The following SHC3 variants were observed in gnomAD, a reference collection of about 807,000 sequenced individuals.
SHC3 encodes the protein SHC-transforming protein 3.
A neutral mutation model predicts 60.4 loss-of-function variants in SHC3; 15 were observed. The ratio of observed to expected loss-of-function variants is 0.25; its 90% confidence interval spans 0.17 to 0.38. The LOEUF (loss-of-function observed/expected upper bound fraction) is 0.38. Among genes scored for constraint, SHC3 ranks in the 10% least tolerant of loss-of-function variants. SHC3 has a pLI of 1.00. For synonymous variants in SHC3, 294 were observed against 325.9 expected (o/e 0.90, Z 1.05); for missense variants, 677 against 786.1 (o/e 0.86, Z 1.66).
At chr9:89,166,711 G>A (rs1381705765) in intron 1 of SHC3, among the ~76,000 whole-genome samples, 1 of 152,276 alleles carries the variant, frequency 6.6e-6, no homozygotes, top group East Asian at 1.9e-4. Context: ...TAAGAAGAGA[G>A]GAAGTGAAGT....
chr9:89,046,303 G>T (rs1824774776), intron 8 of SHC3, among the ~76,000 whole-genome samples: 1 of 151,874 alleles, frequency 6.6e-6, no homozygotes, highest in Admixed American at 6.6e-5. Flanking sequence ...ACGTTATTTT[G>T]CCATTTTTAG....
chr9:89,059,373 T>G (rs1587702787), intron 6 of SHC3, among the ~76,000 whole-genome samples: 1 of 114,498 alleles, frequency 8.7e-6, no homozygotes, highest in African/African-American at 3.5e-5. Context: ...GAGGATGCGG[T>G]GGAGGACGTA....
At chr9:89,172,830 G>A (rs1826889350) in intron 1 of SHC3, among the ~76,000 whole-genome samples, 1 of 152,096 alleles carries the variant, frequency 6.6e-6, no homozygotes, top group Non-Finnish European at 1.5e-5. Flanking sequence ...CTGCCCTTGG[G>A]TATTTTCATT....
At chr9:89,020,823 G>A (rs1462709398) in intron 11 of SHC3, among the ~76,000 whole-genome samples, 1 of 152,188 alleles carries the variant, frequency 6.6e-6, no homozygotes, top group African/African-American at 2.4e-5. Context: ...GGGCACAAAT[G>A]TCTGTTTGCA....
At chr9:89,177,913 C>T (rs1316116729) in intron 1 of SHC3, 74 bp downstream of exon 1, 2 of 1,150,036 alleles carry the variant, frequency 1.7e-6, no homozygotes, top group Non-Finnish European at 1.1e-6. Flanking sequence ...CCCCGGGCTT[C>T]AGGGAATGAA....
chr9:89,153,659 G>T (rs1388759543), intron 1 of SHC3, among the ~76,000 whole-genome samples: 1 of 152,222 alleles, frequency 6.6e-6, no homozygotes, highest in Non-Finnish European at 1.5e-5. Flanking sequence ...CACCTCAAGG[G>T]TGGCAAGAAC....
At chr9:89,044,247 G>A (rs1824737028) in intron 9 of SHC3, among the ~76,000 whole-genome samples, 1 of 152,112 alleles carries the variant, frequency 6.6e-6, no homozygotes, top group Non-Finnish European at 1.5e-5. Flanking sequence ...AGCCCATAAT[G>A]AAAATGTCCC....
intron 1 of SHC3, among the ~76,000 whole-genome samples, chr9:89,167,896 C>T (rs756578836): frequency 1.3e-5 from 2 of 152,328 alleles, no homozygotes; most frequent in South Asian, 4.1e-4. Flanking sequence ...TCAAAAGCAT[C>T]AATGTAAGGT....
intron 1 of SHC3, among the ~76,000 whole-genome samples, chr9:89,140,623 G>A (rs879067459): frequency 1.3e-5 from 2 of 152,110 alleles, no homozygotes; most frequent in Non-Finnish European, 2.9e-5. Context: ...ACCTGCAAAA[G>A]TCAAAAACAT....
chr9:89,094,103 C>CAAA (rs1160433992), intron 2 of SHC3, among the ~76,000 whole-genome samples: 23 of 73,056 alleles, frequency 3.1e-4, no homozygotes, highest in African/African-American at 1.1e-3. Flanking sequence ...GACTCTGTCT[C>CAAA]AAAAAAAAAA....
rs546280314 is a variant in SHC3 at position 89,153,669 on chromosome 9, C to T, written c.474+24318G>A. On this transcript the variant is annotated intron_variant, in intron 1 of 11. Coordinates refer to ENST00000375835, the MANE Select transcript of SHC3 (RefSeq NM_016848.6). ...CTGTCCACCTCAAGGGTGGCAAGAA[C>T]GGTGCCACGACATCACCTTCAGCAG... Among the ~76,000 whole-genome samples the T allele has an allele frequency of 3.9e-5, 6 of 152,368 alleles. No individual in the cohort carries two copies. The South Asian group carries it at 1.2e-3, about 32-fold the overall frequency.
intron 5 of SHC3, among the ~76,000 whole-genome samples, chr9:89,067,597 T>A (rs1825204046): frequency 6.6e-6 from 1 of 152,198 alleles, no homozygotes; most frequent in African/African-American, 2.4e-5. Flanking sequence ...ATTATACTTG[T>A]ACATGATGTA....
At chr9:89,027,179 T>C (rs1826325188) in intron 11 of SHC3, among the ~76,000 whole-genome samples, 1 of 152,232 alleles carries the variant, frequency 6.6e-6, no homozygotes, top group Admixed American at 6.5e-5. Flanking sequence ...CCTGGTCATT[T>C]GTGTATTTAC....
At chr9:89,014,524 G>A (rs1257425520) in intron 11 of SHC3, among the ~76,000 whole-genome samples, 2 of 152,124 alleles carry the variant, frequency 1.3e-5, no homozygotes, top group African/African-American at 4.8e-5. Flanking sequence ...AGGGTCAGCT[G>A]AATTCCCTGG....
At chr9:89,131,447 C>G (rs1357709492) in intron 1 of SHC3, among the ~76,000 whole-genome samples, 1 of 152,084 alleles carries the variant, frequency 6.6e-6, no homozygotes, top group African/African-American at 2.4e-5. Context: ...CTGGCAGAGA[C>G]ACAACAAAGA....
intron 1 of SHC3, among the ~76,000 whole-genome samples, chr9:89,121,384 G>A (rs758050189): frequency 9.9e-5 from 15 of 151,914 alleles, no homozygotes; most frequent in Non-Finnish European, 2.1e-4. Context: ...TCTGCCTCCC[G>A]GGTTCAAGCG....
In SHC3 at chr9:89,178,661, G is replaced by GC. The variant is rs1826985850; in HGVS notation, c.-202dup. 2.2e-6 allele frequency: 1 copy of GC among 450,306 alleles called. No homozygotes were observed. Among genetic ancestry groups the GC allele is most frequent in the Non-Finnish European group, 3.8e-6 (1 of 262,464 alleles). 27.9% of individuals were successfully genotyped at this position (450,306 alleles called of 1,614,324 possible). A position where few individuals can be genotyped will look rare whatever the true frequency, so the allele number is the denominator to read the frequency against. ...AAGCCAGCACAGCGGCGGCCGCGCA[G>GC]CCCCGGCCCGGGAGACCGCTGCTTG... On this transcript the variant is annotated 5_prime_UTR_variant, in exon 1 of 12. An upstream open reading frame in the 5' UTR loses its in-frame stop. Transcript: ENST00000375835. This position sits in a 1 kb window ranked among gnomAD's most constrained non-coding sequence, Gnocchi z 6.9.
intron 1 of SHC3, among the ~76,000 whole-genome samples, chr9:89,149,719 G>T (rs1247625220): frequency 6.6e-6 from 1 of 152,180 alleles, no homozygotes; most frequent in East Asian, 1.9e-4. Flanking sequence ...ACAATTCAGT[G>T]ATTTTGAGTA....
intron 10 of SHC3, among the ~76,000 whole-genome samples, chr9:89,040,249 T>C (rs963669174): frequency 2.9e-5 from 4 of 140,084 alleles, no homozygotes. Flanking sequence ...ACCACCACCA[T>C]CAAAATTACC....
Sources: allele counts gnomAD v4.1 joint callset (sites outside exome capture counted in the v4.1 genomes callset), GRCh38; gene constraint gnomAD v4.1.1; non-coding constraint Gnocchi (gnomAD v3.1); transcripts MANE v1.5; gene names NCBI Gene and HGNC (gene_info 2026-07-23, HGNC 2026-07-21).